Variants in SLC22A4 observed in about 807,000 individuals in gnomAD.
The protein encoded by SLC22A4 is ET transporter.
SLC22A4 carries 39 observed loss-of-function variants against 56.6 expected under a neutral mutation model. The ratio of observed to expected loss-of-function variants is 0.69; its 90% CI spans 0.53 to 0.90. The LOEUF (loss-of-function observed/expected upper bound fraction) is 0.90. SLC22A4 is among the 40% of genes least tolerant of loss of function. The pLI is 0.00. For missense variants in SLC22A4, 594 were observed against 696.5 expected, an observed-to-expected ratio of 0.85 and a Z score of 1.66; for synonymous variants, 241 against 281.4, an observed-to-expected ratio of 0.86 and a Z score of 1.44.
intron 9 of SLC22A4, among the ~76,000 whole-genome samples, chr5:132,343,559 C>T (rs1036655250): frequency 3.3e-5 from 5 of 152,064 alleles, no homozygotes; most frequent in African/African-American, 1.2e-4. Context: ...TAAATTCTGG[C>T]TTCTATGCTT....
chr5:132,334,862 G>A lies in SLC22A4; in HGVS notation c.1191G>A (p.Arg397=), dbSNP rs1750973392. The A allele has an allele frequency of 6.2e-7, 1 of 1,614,004 alleles. No homozygotes were observed. Among genetic ancestry groups the A allele is most frequent in the Non-Finnish European group, 8.5e-7 (1 of 1,179,890 alleles). ...TAWLLLRTLP[R]RYIIAAVLFW... ...GGCTGCTATTGCGAACCCTGCCCAG[G>A]CGTTATATCATAGCTGCAGTACTGT... Residue 397 remains arginine (R), a synonymous_variant, in exon 7 of 10, where the codon AGG becomes AGA. Coordinates refer to ENST00000200652, the MANE Select transcript of SLC22A4 (RefSeq NM_003059.3).
In SLC22A4 at chr5:132,294,736, G is replaced by T. The variant is rs764024260; in HGVS notation, c.120G>T (p.Val40=). The change falls in exon 1 of 10, where the codon GTG becomes GTT. Residue 40 remains valine, a synonymous_variant. Coordinates refer to ENST00000200652, the MANE Select transcript of SLC22A4 (RefSeq NM_003059.3). This position sits in a 1 kb window ranked among gnomAD's most constrained non-coding sequence, Gnocchi z 5.6. ...IPNGFNGMSV[V]FLAGTPEHRC... ...ATGGCTTCAATGGTATGTCAGTCGT[G>T]TTCCTGGCGGGGACCCCGGAGCACC... The T allele has an allele frequency of 7.4e-6, 12 of 1,613,922 alleles. No homozygotes were observed. The East Asian group carries it at 2.2e-4, about 30-fold the overall frequency.
intron 1 of SLC22A4, among the ~76,000 whole-genome samples, chr5:132,299,329 C>T (rs1749852606): frequency 6.6e-6 from 1 of 152,126 alleles, no homozygotes; most frequent in Admixed American, 6.6e-5. Flanking sequence ...TTTCCTTCTT[C>T]AGGGGTTGAT....
chr5:132,328,903 G>GTATA (rs753290785), intron 5 of SLC22A4, among the ~76,000 whole-genome samples: 5,198 of 95,530 alleles, frequency 0.054, 122 homozygotes, highest in South Asian at 0.095. Context: ...GTGTGTATGT[G>GTATA]TATATATATA....
chr5:132,311,387 A>T (rs1329038537), intron 1 of SLC22A4: 1 of 152,266 alleles, frequency 6.6e-6, no homozygotes, highest in Non-Finnish European at 1.5e-5. Context: ...ACTTAAGTCA[A>T]ACTGAAACTC....
intron 3 of SLC22A4, among the ~76,000 whole-genome samples, chr5:132,319,231 G>A (rs1378451739): frequency 6.6e-6 from 1 of 150,836 alleles, no homozygotes; most frequent in Non-Finnish European, 1.5e-5. Context: ...GAACCCAGGA[G>A]GAAGAGGTTA....
At chr5:132,332,730 G>GCACACACA (rs3840351) in intron 6 of SLC22A4, among the ~76,000 whole-genome samples, 4,671 of 145,674 alleles carry the variant, frequency 0.032, 100 homozygotes, top group African/African-American at 0.052. Flanking sequence ...TATGATGGCA[G>GCACACACA]CACACACACA....
In SLC22A4 at chr5:132,313,722, C is replaced by T. The variant is rs11568498; in HGVS notation, c.606C>T (p.Ile202=). 1.4e-4 allele frequency: 222 copies of T among 1,614,146 alleles called. No individual in the cohort carries two copies. In the African/African-American group the frequency reaches 1.9e-3, roughly 14 times the overall value. Residue 202 remains isoleucine, a synonymous_variant, in exon 3 of 10, where the codon ATC becomes ATT. Transcript: ENST00000200652. The part of the protein sequence containing the change: ...SWEMFTVLFV[I]VGMGQISNYV... ...AGATGTTCACTGTGTTATTTGTCAT[C>T]GTGGGCATGGGCCAGATCTCCAACT...
At chr5:132,301,964 T>TGTG (rs1479346373) in intron 1 of SLC22A4, among the ~76,000 whole-genome samples, 1 of 152,184 alleles carries the variant, frequency 6.6e-6, no homozygotes, top group African/African-American at 2.4e-5. Context: ...GGGGATAAGG[T>TGTG]GTGGGGGCCT....
chr5:132,324,538 G>A, intron 4 of SLC22A4: 1 of 471,156 alleles, frequency 2.1e-6, no homozygotes, highest in Non-Finnish European at 4.4e-6. Flanking sequence ...GGCCAGCCTG[G>A]GACCAGCACT....
At chr5:132,295,822 A>G (rs929299774) in intron 1 of SLC22A4, among the ~76,000 whole-genome samples, 2 of 152,232 alleles carry the variant, frequency 1.3e-5, no homozygotes, top group South Asian at 2.1e-4. Flanking sequence ...TCAGGCAGGT[A>G]GGATTTCCCT....
In SLC22A4 at chr5:132,302,333, G is replaced by C. The variant is rs1167311576; in HGVS notation, c.393+7324G>C. On this transcript the variant is annotated intron_variant, in intron 1 of 9. Transcript: ENST00000200652. ...AAGGCTTTGACAGGACTGGTCAGGG[G>C]GAGCTGCAGGTACCTTGGGCCTCTA... 2.0e-5 allele frequency among the ~76,000 whole-genome samples: 3 copies of C among 152,226 alleles called. No homozygotes were observed. In the South Asian group the frequency reaches 6.2e-4, roughly 32 times the overall value.
At chr5:132,327,620 G>A (rs1028734154) in intron 5 of SLC22A4, among the ~76,000 whole-genome samples, 1 of 152,188 alleles carries the variant, frequency 6.6e-6, no homozygotes, top group African/African-American at 2.4e-5. Context: ...TTAGCAAATA[G>A]CAAGCGTTCA....
chr5:132,337,277 T>C (rs1446916433), intron 8 of SLC22A4, among the ~76,000 whole-genome samples: 1 of 148,484 alleles, frequency 6.7e-6, no homozygotes, highest in Non-Finnish European at 1.5e-5. Context: ...ACCTTTTTTT[T>C]TTTTTTTTTT....
intron 5 of SLC22A4, among the ~76,000 whole-genome samples, chr5:132,329,543 T>C (rs541787159): frequency 2.6e-5 from 4 of 152,072 alleles, no homozygotes; most frequent in African/African-American, 7.2e-5. Context: ...ATCACACAGA[T>C]GTTAAACTGG....
Position 132,329,694 on chromosome 5 carries a change from C to A in SLC22A4, c.952-2062C>A, listed in dbSNP as rs533073189. ...TATTGTCTTAGAAAGCAATCTCAAG[C>A]ATCCTTGGCTTCAGAAGAAGCACCT... On this transcript the variant is annotated intron_variant, in intron 5 of 9. Transcript: ENST00000200652. Among the ~76,000 whole-genome samples, 278 of 152,258 alleles carry A rather than the reference C, an allele frequency of 1.8e-3. 1 individual carries two copies. The highest frequency in any genetic ancestry group is 6.4e-3 in the African/African-American group (265 of 41,554).
chr5:132,333,574 G>C (rs181599337), intron 6 of SLC22A4, among the ~76,000 whole-genome samples: 1 of 152,278 alleles, frequency 6.6e-6, no homozygotes, highest in African/African-American at 2.4e-5. Context: ...TCTGGGCGGT[G>C]AGAGTTCCAC....
chr5:132,331,797 C>T lies in SLC22A4; in HGVS notation c.993C>T (p.Asp331=), dbSNP rs1393332557. 1.2e-6 allele frequency: 2 copies of T among 1,613,706 alleles called. No individual in the cohort carries two copies. The highest frequency in any genetic ancestry group is 2.7e-5 in the African/African-American group (2 of 74,900). The part of the protein sequence containing the change: ...PLKQQKAFIL[D]LFRTRNIAIM... ...AGCAGCAGAAAGCTTTCATTCTGGA[C>T]CTGTTCAGGACTCGGAATATTGCCA... Residue 331 remains aspartate, a synonymous_variant, in exon 6 of 10, where the codon GAC becomes GAT. Coordinates refer to ENST00000200652, the MANE Select transcript of SLC22A4 (RefSeq NM_003059.3).
chr5:132,336,067 T>C (rs1751018616), intron 8 of SLC22A4, 67 bp downstream of exon 8: 2 of 1,493,376 alleles, frequency 1.3e-6, no homozygotes, highest in Non-Finnish European at 1.9e-6. Context: ...AAGATTTTCA[T>C]TGTGAAAATG....
Sources: allele counts gnomAD v4.1 joint callset (sites outside exome capture counted in the v4.1 genomes callset), GRCh38; gene constraint gnomAD v4.1.1; non-coding constraint Gnocchi (gnomAD v3.1); transcripts MANE v1.5; gene names NCBI Gene and HGNC (gene_info 2026-07-23, HGNC 2026-07-21).